The following MEGF11 variants were observed in gnomAD, a reference collection of about 807,000 sequenced individuals.
MEGF11 encodes the protein multiple epidermal growth factor-like domains protein 11.
Under a neutral mutation model 146.6 loss-of-function variants are expected in MEGF11, and 126 were observed. The ratio of observed to expected loss-of-function variants is 0.86; its 90% CI spans 0.74 to 1.00. MEGF11 has a LOEUF of 1.00. MEGF11 is among the 50% of genes least tolerant of loss of function. MEGF11 has a pLI of 0.00. For missense variants in MEGF11, 1,509 were observed against 1,521.2 expected, an observed-to-expected ratio of 0.99 and a Z score of 0.13; for synonymous variants, 532 against 583.4, an observed-to-expected ratio of 0.91 and a Z score of 1.27.
At chr15:66,001,501 C>T (rs2082366620) in intron 5 of MEGF11, among the ~76,000 whole-genome samples, 2 of 152,140 alleles carry the variant, frequency 1.3e-5, no homozygotes, top group Non-Finnish European at 2.9e-5. Flanking sequence ...TGGTGGTCGT[C>T]ACTCTGCTGC....
chr15:65,994,098 A>G (rs1298267114), intron 5 of MEGF11, among the ~76,000 whole-genome samples: 2 of 152,224 alleles, frequency 1.3e-5, no homozygotes, highest in African/African-American at 2.4e-5. Flanking sequence ...ACAGGGACAA[A>G]GCACTAAGCA....
At chr15:65,962,978 C>T (rs2080918543) in intron 9 of MEGF11, among the ~76,000 whole-genome samples, 1 of 152,180 alleles carries the variant, frequency 6.6e-6, no homozygotes, top group Admixed American at 6.5e-5. Flanking sequence ...GGAGTCCTTT[C>T]AGATTAATAA....
chr15:65,973,689 GGA>G (rs1423679395), intron 7 of MEGF11, among the ~76,000 whole-genome samples: 1 of 152,192 alleles, frequency 6.6e-6, no homozygotes, highest in African/African-American at 2.4e-5. Context: ...TGGGAGGGTG[GGA>G]GAGGGGTTGC....
chr15:66,183,294 G>C (rs1482903644), intron 1 of MEGF11, among the ~76,000 whole-genome samples: 1 of 152,146 alleles, frequency 6.6e-6, no homozygotes, highest in Non-Finnish European at 1.5e-5. Flanking sequence ...ATGGTCAGGA[G>C]TTCGAGACCA....
chr15:66,049,411 C>T (rs1446139476), intron 5 of MEGF11, among the ~76,000 whole-genome samples: 1 of 152,158 alleles, frequency 6.6e-6, no homozygotes, highest in Non-Finnish European at 1.5e-5. Context: ...CAATTAGCTT[C>T]CTAAAACGGC....
At position 66,204,091 on chromosome 15, in the gene MEGF11, A is replaced by AGG. The variant is rs1567282813; in HGVS notation, c.-9+49513_-9+49514insCC. On this transcript the variant is annotated intron_variant, in intron 1 of 25. Transcript: ENST00000395614. Reference sequence around the variant, plus strand: ...GATCTCATCTCTATTAAAGGGGGAAAAAAAAAAAGGTTCTACAAAAAAGAT... The same window carrying AGG: ...GATCTCATCTCTATTAAAGGGGGAAAGGAAAAAAAAGGTTCTACAAAAAAGAT... Among the ~76,000 whole-genome samples the AGG allele has an allele frequency of 1.2e-3, 180 of 150,206 alleles. 1 individual carries two copies. Among genetic ancestry groups the AGG allele is most frequent in the South Asian group, 3.8e-3 (18 of 4,698 alleles).
chr15:65,967,617 G>C (rs2081150545), intron 8 of MEGF11, among the ~76,000 whole-genome samples: 1 of 152,110 alleles, frequency 6.6e-6, no homozygotes, highest in Admixed American at 6.5e-5. Context: ...CAAGTGTGTG[G>C]GGGATGAGAG....
chr15:66,191,508 A>G (rs1370040069), intron 1 of MEGF11, among the ~76,000 whole-genome samples: 1 of 152,186 alleles, frequency 6.6e-6, no homozygotes, highest in African/African-American at 2.4e-5. Context: ...CGGGGGTGTT[A>G]AGTCTGGCAA....
chr15:65,987,699 C>T (rs895908383), intron 5 of MEGF11, among the ~76,000 whole-genome samples: 14 of 152,002 alleles, frequency 9.2e-5, no homozygotes, highest in Non-Finnish European at 1.8e-4. Context: ...CTTTAAGCTT[C>T]TTTCTTTCTA....
At chr15:65,998,791 G>GAGCAAATAACCC (rs2082275215) in intron 5 of MEGF11, among the ~76,000 whole-genome samples, 1 of 152,186 alleles carries the variant, frequency 6.6e-6, no homozygotes, top group East Asian at 1.9e-4. Context: ...TGAGCAAATG[G>GAGCAAATAACCC]TGTGAGGTTA....
intron 1 of MEGF11, among the ~76,000 whole-genome samples, chr15:66,244,213 A>C (rs2092261331): frequency 6.6e-6 from 1 of 151,670 alleles, no homozygotes; most frequent in Non-Finnish European, 1.5e-5. Context: ...AACATCGCCC[A>C]CTCCTCCCAG....
chr15:66,190,485 A>T (rs1338966257), intron 1 of MEGF11, among the ~76,000 whole-genome samples: 1 of 152,160 alleles, frequency 6.6e-6, no homozygotes, highest in East Asian at 1.9e-4. Flanking sequence ...AAACAGGAGG[A>T]GGGGGCAGGG....
At chr15:65,907,230 T>G (rs1478807306) in intron 23 of MEGF11, among the ~76,000 whole-genome samples, 1 of 152,216 alleles carries the variant, frequency 6.6e-6, no homozygotes, top group Admixed American at 6.5e-5. Flanking sequence ...CTGCCTACGT[T>G]CCACATATTA....
At chr15:66,045,307 T>C (rs1388183560) in intron 5 of MEGF11, among the ~76,000 whole-genome samples, 1 of 152,194 alleles carries the variant, frequency 6.6e-6, no homozygotes, top group African/African-American at 2.4e-5. Flanking sequence ...GCCCTGTGGC[T>C]GTAGAACCCA....
In MEGF11 at chr15:65,917,947, C is replaced by G. The variant is rs776153423; in HGVS notation, c.2086+19G>C. 1.2e-6 allele frequency: 2 copies of G among 1,613,814 alleles called. No homozygotes were observed. Among genetic ancestry groups the G allele is most frequent in the East Asian group, 2.2e-5 (1 of 44,872 alleles). On this transcript the variant is annotated intron_variant, in intron 16 of 25. Transcript: ENST00000395614. The stretch of plus-strand genomic sequence containing the variant: ...GGCCTGACCCCAGGTAGGGGCATTC[C>G]CAGGTGGCAGCAGCTTACCCTGTGA...
At chr15:65,910,815 T>C (rs1407839467) in intron 21 of MEGF11, among the ~76,000 whole-genome samples, 5 of 152,192 alleles carry the variant, frequency 3.3e-5, no homozygotes, top group African/African-American at 1.2e-4. Flanking sequence ...AAAGCCATGC[T>C]TTTGTCCCTG....
At chr15:66,044,670 G>A (rs1387389561) in intron 5 of MEGF11, among the ~76,000 whole-genome samples, 2 of 95,098 alleles carry the variant, frequency 2.1e-5, no homozygotes, top group East Asian at 3.0e-4. Context: ...GCAAGACCTC[G>A]TATCACTAAA....
At chr15:66,030,061 A>G (rs978424345) in intron 5 of MEGF11, among the ~76,000 whole-genome samples, 1 of 152,186 alleles carries the variant, frequency 6.6e-6, no homozygotes, top group African/African-American at 2.4e-5. Context: ...ATTCTGCCCA[A>G]TGTCATGGGA....
chr15:66,062,969 C>G (rs879393782), intron 5 of MEGF11, among the ~76,000 whole-genome samples: 1 of 152,072 alleles, frequency 6.6e-6, no homozygotes, highest in South Asian at 2.1e-4. Flanking sequence ...TTAAACCATC[C>G]CTTTAAATTA....
Sources: gnomAD v4.1 joint callset for allele counts (sites outside exome capture counted in the v4.1 genomes callset) on GRCh38, gnomAD v4.1.1 for gene constraint, MANE v1.5 for transcripts, NCBI Gene and HGNC (gene_info 2026-07-23, HGNC 2026-07-21) for gene names.